Variants in TTC39C observed in about 807,000 individuals in gnomAD.
TTC39C encodes tetratricopeptide repeat domain 39C.
TTC39C carries 33 observed loss-of-function variants against 76.3 expected under a neutral mutation model. The ratio of observed to expected loss-of-function variants is 0.43; its 90% CI spans 0.33 to 0.58. The LOEUF is 0.58. Ranked by LOEUF, TTC39C falls within the 20% of genes least tolerant of loss-of-function variation. The pLI is 0.04. For missense variants in TTC39C, 595 were observed against 701.4 expected (o/e 0.85, Z 1.71); for synonymous variants, 254 against 260.6 (o/e 0.97, Z 0.24).
intron 8 of TTC39C, among the ~76,000 whole-genome samples, chr18:24,119,835 C>CA (rs1046595271): frequency 6.6e-6 from 1 of 152,154 alleles, no homozygotes; most frequent in African/African-American, 2.4e-5. Context: ...GAGAGGCCTG[C>CA]ACACAACTCC....
Position 24,123,937 on chromosome 18 carries a change from GA to G in TTC39C, c.1295del (p.Lys432ArgfsTer40). 6.2e-7 allele frequency: 1 copy of G among 1,604,988 alleles called. No homozygotes were observed. The highest frequency in any genetic ancestry group is 2.2e-5 in the East Asian group (1 of 44,648). The stretch of plus-strand genomic sequence containing the variant: ...ACAATCAGATTGAACAGTTCTCGGT[GA>G]AAAAGGTATGTTGGAGCCTATTGAT... ...KNNQIEQFSVKKAERFRKQTP... is the reference protein window; with the variant it reads ...KNNQIEQFSVXKAERFRKQTP... On this transcript the variant is annotated frameshift_variant, in exon 9 of 14. Coordinates refer to ENST00000317571, the MANE Select transcript of TTC39C (RefSeq NM_001135993.2). LOFTEE classifies it high-confidence loss of function.
chr18:24,045,376 G>A (rs1303897761), intron 1 of TTC39C, among the ~76,000 whole-genome samples: 1 of 151,766 alleles, frequency 6.6e-6, no homozygotes, highest in African/African-American at 2.4e-5. Flanking sequence ...CAAAGTATAA[G>A]GCGCTCTGCT....
chr18:24,106,493 G>A (rs2084746800), intron 6 of TTC39C, among the ~76,000 whole-genome samples: 1 of 152,186 alleles, frequency 6.6e-6, no homozygotes, highest in African/African-American at 2.4e-5. Flanking sequence ...GGTGTGTGAT[G>A]TGCAGTGTCC....
intron 1 of TTC39C, among the ~76,000 whole-genome samples, chr18:24,030,077 C>T (rs564838549): frequency 4.5e-4 from 69 of 152,150 alleles, no homozygotes; most frequent in African/African-American, 1.5e-3. Context: ...AAGGAATCGC[C>T]GTACTGTTTA....
At chr18:24,067,782 C>A in intron 3 of TTC39C, among the ~76,000 whole-genome samples, 1 of 152,116 alleles carries the variant, frequency 6.6e-6, no homozygotes, top group East Asian at 1.9e-4. Context: ...CACTAAAATG[C>A]AAATTTGTTG....
chr18:24,039,576 C>G (rs747010880), intron 1 of TTC39C, among the ~76,000 whole-genome samples: 6 of 152,230 alleles, frequency 3.9e-5, no homozygotes, highest in Non-Finnish European at 8.8e-5. Flanking sequence ...AAGCGATCCT[C>G]TTGCCTCGGC....
At chr18:24,128,273 G>T (rs978630655) in intron 10 of TTC39C, among the ~76,000 whole-genome samples, 3 of 151,954 alleles carry the variant, frequency 2.0e-5, no homozygotes, top group African/African-American at 7.2e-5. Context: ...GTTCTTTTTC[G>T]TATGAGCGTA....
intron 1 of TTC39C, among the ~76,000 whole-genome samples, chr18:23,994,001 T>C (rs2083239992): frequency 1.3e-5 from 2 of 152,222 alleles, no homozygotes; most frequent in African/African-American, 4.8e-5. Flanking sequence ...AGCTTTCTTC[T>C]CTGAGATTCA....
At chr18:24,019,126 A>C (rs1381783661) in intron 1 of TTC39C, among the ~76,000 whole-genome samples, 1 of 152,150 alleles carries the variant, frequency 6.6e-6, no homozygotes, top group Non-Finnish European at 1.5e-5. Flanking sequence ...AAGCACATGG[A>C]GGCCTGAGGA....
At chr18:24,011,770 C>A (rs1599230981), upstream of TTC39C, among the ~76,000 whole-genome samples, 1 of 152,200 alleles carries the variant, frequency 6.6e-6, no homozygotes. Flanking sequence ...GTTATTTCCA[C>A]CACTCGCTGG....
chr18:24,044,544 G>A (rs947811697), intron 1 of TTC39C, among the ~76,000 whole-genome samples: 4 of 152,130 alleles, frequency 2.6e-5, no homozygotes, highest in African/African-American at 9.7e-5. Context: ...TGTCATGAGA[G>A]GTGAGGACCA....
At chr18:24,018,614 A>G (rs547126643) in intron 1 of TTC39C, among the ~76,000 whole-genome samples, 10 of 152,240 alleles carry the variant, frequency 6.6e-5, no homozygotes, top group Admixed American at 3.9e-4. Context: ...GCAGCGTCTA[A>G]CTCAGCCTGA....
At position 24,064,129 on chromosome 18, in the gene TTC39C, T is replaced by C; in HGVS notation, c.168-11T>C. On this transcript the variant is annotated splice_polypyrimidine_tract_variant and intron_variant, in intron 1 of 13. Transcript: ENST00000317571. ...TTGTATTTTGTGTGTGTGTGTGTGT[T>C]TTTTTAACAGAAATCATAGCCCACT... 6.2e-7 allele frequency: 1 copy of C among 1,612,974 alleles called. No homozygotes were observed. The highest frequency in any genetic ancestry group is 8.5e-7 in the Non-Finnish European group (1 of 1,179,668).
At chr18:24,054,359 A>G (rs867186146) in intron 1 of TTC39C, among the ~76,000 whole-genome samples, 3 of 152,224 alleles carry the variant, frequency 2.0e-5, no homozygotes, top group Non-Finnish European at 2.9e-5. Context: ...CAAAGCCACA[A>G]CCGAACCACA....
At chr18:24,072,444 T>A (rs2084253274) in intron 4 of TTC39C, among the ~76,000 whole-genome samples, 1 of 152,172 alleles carries the variant, frequency 6.6e-6, no homozygotes, top group Non-Finnish European at 1.5e-5. Flanking sequence ...TACAGGTGCA[T>A]GCCACCACTC....
intron 1 of TTC39C, among the ~76,000 whole-genome samples, chr18:24,032,636 T>A (rs1235760410): frequency 6.6e-6 from 1 of 152,218 alleles, no homozygotes; most frequent in Non-Finnish European, 1.5e-5. Flanking sequence ...TTTGACTGCA[T>A]TTTGACTGTG....
At position 24,066,105 on chromosome 18, in the gene TTC39C, G is replaced by A. The variant is rs1170678511; in HGVS notation, c.310G>A (p.Val104Ile). The A allele has an allele frequency of 2.5e-6, 4 of 1,600,672 alleles. No homozygotes were observed. The highest frequency in any genetic ancestry group is 3.4e-6 in the Non-Finnish European group (4 of 1,176,948). Residue 104 changes from valine (V) to isoleucine (I), a missense_variant, in exon 3 of 14, where the codon GTA becomes ATA. By Grantham distance (29) the Val-to-Ile change is conservative (BLOSUM62 3). Coordinates refer to ENST00000317571, the MANE Select transcript of TTC39C (RefSeq NM_001135993.2). ...EKLCESEEAG[V>I]IETIKNKIKK... Reference sequence around the variant, plus strand: ...ACTGTGTGAAAGTGAAGAGGCTGGAGTAATTGAAACAATCAAGAATAAAAT... The same window carrying A: ...ACTGTGTGAAAGTGAAGAGGCTGGAATAATTGAAACAATCAAGAATAAAAT...
intron 1 of TTC39C, among the ~76,000 whole-genome samples, chr18:24,023,947 CA>C (rs55852801): frequency 1.6e-5 from 1 of 64,082 alleles, no homozygotes; most frequent in Non-Finnish European, 2.6e-5. Flanking sequence ...TATATATATG[CA>C]TGTATATATA....
At position 24,035,684 on chromosome 18, in the gene TTC39C, T is replaced by C. The variant is rs531609276; in HGVS notation, c.167+20646T>C. Among the ~76,000 whole-genome samples the C allele has an allele frequency of 6.8e-5, 10 of 147,146 alleles. No homozygotes were observed. In the East Asian group the frequency reaches 2.0e-3, roughly 29 times the overall value. On this transcript the variant is annotated intron_variant, in intron 1 of 13. Transcript: ENST00000317571. ...TTATGTATTCTGGATATTAACTCCT[T>C]ATCTAACGTATAATTTTCAGACATT...
Sources: gnomAD v4.1 joint callset for allele counts (sites outside exome capture counted in the v4.1 genomes callset) on GRCh38, gnomAD v4.1.1 for gene constraint, MANE v1.5 for transcripts, NCBI Gene and HGNC (gene_info 2026-07-23, HGNC 2026-07-21) for gene names.